The following TRAPPC12 variants were observed in gnomAD, a reference collection of about 807,000 sequenced individuals.
TRAPPC12 encodes TPR repeat protein 15.
A neutral mutation model predicts 69.2 loss-of-function variants in TRAPPC12; 61 were observed. The ratio of observed to expected loss-of-function variants is 0.88; its 90% CI spans 0.72 to 1.09. The LOEUF is 1.09. TRAPPC12 is among the 50% of genes least tolerant of loss of function. The probability of loss-of-function intolerance (pLI) is 0.00; values close to 1 mark genes in which losing one functional copy is unlikely to be tolerated. For missense variants in TRAPPC12, 1,101 were observed against 1,016.4 expected (o/e 1.08, Z -1.13); for synonymous variants, 469 against 438.9 (o/e 1.07, Z -0.86).
chr2:3,437,013 T>TC (rs1663838449), intron 5 of TRAPPC12, among the ~76,000 whole-genome samples: 1 of 34,194 alleles, frequency 2.9e-5, no homozygotes. Flanking sequence ...CCTGGATTAA[T>TC]ACCCCATCAC....
Position 3,415,716 on chromosome 2 carries a change from T to C in TRAPPC12, c.1165-6165T>C, listed in dbSNP as rs548175686. Among the ~76,000 whole-genome samples the C allele has an allele frequency of 7.8e-5, 8 of 102,904 alleles. No individual in the cohort carries two copies. The East Asian group carries it at 1.9e-3, about 25-fold the overall frequency. 67.5% of individuals were successfully genotyped at this position (102,904 alleles called of 152,430 possible). A position where few individuals can be genotyped will look rare whatever the true frequency, so the allele number is the denominator to read the frequency against. ...ATCGTGCCTGGCCTGCATTCACTTC[T>C]TTTCTTTTTTTTTTTTTTGAGGCAG... On this transcript the variant is annotated intron_variant, in intron 3 of 11. Transcript: ENST00000324266.
chr2:3,402,474 A>G (rs1661499489), intron 3 of TRAPPC12, among the ~76,000 whole-genome samples: 1 of 152,170 alleles, frequency 6.6e-6, no homozygotes, highest in Non-Finnish European at 1.5e-5. Context: ...CTGTAATCCC[A>G]GATACTCAGG....
At position 3,420,331 on chromosome 2, in the gene TRAPPC12, G is replaced by A. The variant is rs1252421958; in HGVS notation, c.1165-1550G>A. Among the ~76,000 whole-genome samples the A allele has an allele frequency of 3.9e-5, 6 of 152,170 alleles. No individual in the cohort carries two copies. In the East Asian group the frequency reaches 5.8e-4, roughly 15 times the overall value. ...GTCTGAAGCTCAAGGCCCAGCACCC[G>A]TTCCTTTCCTTACACATAGAGTTTC... is the stretch of plus-strand genomic sequence containing the variant. On this transcript the variant is annotated intron_variant, in intron 3 of 11. Coordinates refer to ENST00000324266, the MANE Select transcript of TRAPPC12 (RefSeq NM_016030.6).
chr2:3,443,932 T>TGCCCTCCAC, intron 6 of TRAPPC12, 41 bp downstream of exon 6: 4 of 1,469,874 alleles, frequency 2.7e-6, no homozygotes, highest in Non-Finnish European at 3.8e-6. Context: ...GGGGAGAACA[T>TGCCCTCCAC]GCCCTCCACG....
At chr2:3,470,413 C>T (rs928959660) in intron 9 of TRAPPC12, among the ~76,000 whole-genome samples, 1 of 152,266 alleles carries the variant, frequency 6.6e-6, no homozygotes, top group Admixed American at 6.5e-5. Context: ...GCCTGCACTG[C>T]GTGCTGTCCG....
intron 5 of TRAPPC12, among the ~76,000 whole-genome samples, chr2:3,442,926 G>C (rs1664300347): frequency 6.6e-6 from 1 of 152,124 alleles, no homozygotes; most frequent in Non-Finnish European, 1.5e-5. Flanking sequence ...TTGCCCTCTG[G>C]CATTTCTCTA....
Position 3,414,262 on chromosome 2 carries a change from G to A in TRAPPC12, c.1165-7619G>A, listed in dbSNP as rs142070019. On this transcript the variant is annotated intron_variant, in intron 3 of 11. Transcript: ENST00000324266. The surrounding 1 kb of genome is among the most constrained non-coding windows in gnomAD (Gnocchi z 4.9). ...TCAGCTCATTCAGTTTGGGAAATGT[G>A]ACCCACTTGGCAGCCAGTACCCATC... 0.014 allele frequency among the ~76,000 whole-genome samples: 2,102 copies of A among 152,218 alleles called. 23 individuals carry two copies. Among genetic ancestry groups the A allele is most frequent in the Non-Finnish European group, 0.022 (1,468 of 68,020 alleles).
At chr2:3,407,897 A>T (rs550579231) in intron 3 of TRAPPC12, among the ~76,000 whole-genome samples, 1 of 152,296 alleles carries the variant, frequency 6.6e-6, no homozygotes, top group Admixed American at 6.5e-5. Flanking sequence ...CACTAAGAAA[A>T]TAAGCAATTA....
chr2:3,429,837 C>T (rs893764786), intron 5 of TRAPPC12, among the ~76,000 whole-genome samples: 2 of 152,192 alleles, frequency 1.3e-5, no homozygotes, highest in African/African-American at 4.8e-5. Flanking sequence ...ATATTAAATA[C>T]TCGGACCATT....
intron 2 of TRAPPC12, chr2:3,389,540 G>A (rs1660702411): frequency 2.5e-6 from 1 of 395,576 alleles, no homozygotes. Context: ...AAGCCCGAGA[G>A]GGGATGTTAC....
At chr2:3,461,265 C>T (rs1390199995) in intron 8 of TRAPPC12, among the ~76,000 whole-genome samples, 1 of 152,226 alleles carries the variant, frequency 6.6e-6, no homozygotes, top group African/African-American at 2.4e-5. Context: ...CCGGGCACTG[C>T]TCCGAGCAGG....
intron 2 of TRAPPC12, among the ~76,000 whole-genome samples, chr2:3,399,951 A>G (rs1488280904): frequency 6.6e-6 from 1 of 152,122 alleles, no homozygotes; most frequent in Non-Finnish European, 1.5e-5. Flanking sequence ...GCCCGCCTGC[A>G]GCATGAGCAT....
chr2:3,399,616 A>G (rs368052727), intron 2 of TRAPPC12, among the ~76,000 whole-genome samples: 46 of 152,318 alleles, frequency 3.0e-4, no homozygotes, highest in African/African-American at 1.1e-3. Context: ...CTTCTGCCGC[A>G]GGCTGTTGAT....
At chr2:3,425,769 T>C (rs1199708249) in intron 5 of TRAPPC12, among the ~76,000 whole-genome samples, 1 of 152,100 alleles carries the variant, frequency 6.6e-6, no homozygotes, top group East Asian at 1.9e-4. Flanking sequence ...TTAAAACCAG[T>C]GGTACAAGAG....
chr2:3,459,658 A>G (rs994922766), intron 7 of TRAPPC12, among the ~76,000 whole-genome samples: 1 of 152,232 alleles, frequency 6.6e-6, no homozygotes, highest in African/African-American at 2.4e-5. Flanking sequence ...ACCGTGTGGC[A>G]GCAGGTGCTA....
At chr2:3,402,263 T>TA (rs1661484144) in intron 3 of TRAPPC12, among the ~76,000 whole-genome samples, 1 of 152,222 alleles carries the variant, frequency 6.6e-6, no homozygotes, top group South Asian at 2.1e-4. Flanking sequence ...TTTCTGAACA[T>TA]TTTTAAGCTT....
intron 5 of TRAPPC12, among the ~76,000 whole-genome samples, chr2:3,441,484 C>T (rs1664195049): frequency 6.6e-6 from 1 of 151,950 alleles, no homozygotes; most frequent in South Asian, 2.1e-4. Flanking sequence ...TGTTTTTTGA[C>T]TAGCCTGGGG....
At chr2:3,439,472 CAAAAA>C (rs1253184412) in intron 5 of TRAPPC12, among the ~76,000 whole-genome samples, 1 of 151,746 alleles carries the variant, frequency 6.6e-6, no homozygotes, top group Non-Finnish European at 1.5e-5. Flanking sequence ...TTTGTAGAAA[CAAAAA>C]AAAGCGATCA....
At chr2:3,418,324 T>TG (rs1662564152) in intron 3 of TRAPPC12, among the ~76,000 whole-genome samples, 1 of 148,616 alleles carries the variant, frequency 6.7e-6, no homozygotes, top group South Asian at 2.2e-4. Flanking sequence ...TATCACTGCA[T>TG]GCCATACACA....
Sources: allele counts gnomAD v4.1 joint callset (sites outside exome capture counted in the v4.1 genomes callset), GRCh38; gene constraint gnomAD v4.1.1; non-coding constraint Gnocchi (gnomAD v3.1); transcripts MANE v1.5; gene names NCBI Gene and HGNC (gene_info 2026-07-23, HGNC 2026-07-21).